PCDH15: variants seen among roughly 807,000 people sequenced by gnomAD.
The protein encoded by PCDH15 is protocadherin related 15.
PCDH15 carries 129 observed loss-of-function variants against 178.5 expected under a neutral mutation model. The ratio of observed to expected loss-of-function variants is 0.72; its 90% CI spans 0.63 to 0.84. The LOEUF (loss-of-function observed/expected upper bound fraction) is 0.84. Among genes scored for constraint, PCDH15 ranks in the 40% least tolerant of loss-of-function variants. The probability of loss-of-function intolerance (pLI) is 0.00; values close to 1 mark genes in which losing one functional copy is unlikely to be tolerated. For synonymous variants in PCDH15, 800 were observed against 732.0 expected, an observed-to-expected ratio of 1.09 and a Z score of -1.50; for missense variants, 2,230 against 2,099.9, an observed-to-expected ratio of 1.06 and a Z score of -1.21.
intron 3 of PCDH15, among the ~76,000 whole-genome samples, chr10:54,471,082 A>T (rs1417211823): frequency 6.6e-6 from 1 of 152,224 alleles, no homozygotes; most frequent in Admixed American, 6.5e-5. Flanking sequence ...ATATTCAATT[A>T]ACATATAATC....
intron 2 of PCDH15, among the ~76,000 whole-genome samples, chr10:55,327,571 TA>T (rs1237660295): frequency 6.6e-6 from 1 of 152,100 alleles, no homozygotes; most frequent in Non-Finnish European, 1.5e-5. Flanking sequence ...GATCATTTAC[TA>T]CATTTAAAAT....
At chr10:53,973,112 T>C (rs991733266) in intron 21 of PCDH15, among the ~76,000 whole-genome samples, 5 of 151,594 alleles carry the variant, frequency 3.3e-5, no homozygotes, top group African/African-American at 9.7e-5. Flanking sequence ...TCTGCAGCCA[T>C]AAAAAAGGAT....
At chr10:55,072,984 C>A (rs1276479894) in intron 2 of PCDH15, among the ~76,000 whole-genome samples, 2 of 152,054 alleles carry the variant, frequency 1.3e-5, no homozygotes, top group African/African-American at 4.8e-5. Flanking sequence ...ATAAATAGAA[C>A]CAAAGACAAA....
intron 4 of PCDH15, 127 bp downstream of exon 4, chr10:54,378,655 C>T (rs1589120599): frequency 9.6e-7 from 1 of 1,046,016 alleles, no homozygotes; most frequent in Non-Finnish European, 1.4e-6. Context: ...GTTAAAGAAA[C>T]TGTTGTTGCT....
rs1447421426 is a variant in PCDH15, at chr10:54,513,512, T to G, written c.157+14300A>C. Among the ~76,000 whole-genome samples the G allele has an allele frequency of 2.0e-5, 3 of 152,150 alleles. No homozygotes were observed. In the East Asian group the frequency reaches 5.8e-4, roughly 29 times the overall value. On this transcript the variant is annotated intron_variant, in intron 3 of 37. Transcript: ENST00000644397. The stretch of plus-strand genomic sequence containing the variant: ...TAGAATATTGTTATATTATTTTCTA[T>G]TATTTCAAAAACATCTTATTGAACA...
In PCDH15 at chr10:54,853,312, T is replaced by TACAC. The variant is rs1327737887; in HGVS notation, c.-29+44137_-29+44138insGTGT. 1.6e-3 allele frequency among the ~76,000 whole-genome samples: 210 copies of TACAC among 128,296 alleles called. 2 individuals are homozygous for TACAC. In the South Asian group the frequency reaches 0.017, roughly 10 times the overall value. 84.2% of individuals were successfully genotyped at this position (128,296 alleles called of 152,430 possible). A position where few individuals can be genotyped will look rare whatever the true frequency, so the allele number is the denominator to read the frequency against. On this transcript the variant is annotated intron_variant, in intron 3 of 5. Transcript: ENST00000458638. ...GTGTATATATATATATATATATATATATATATACATACACACACATATACA... is the reference window on the plus strand; with the variant it reads ...GTGTATATATATATATATATATATATACACATATATACATACACACACATATACA...
chr10:54,670,748 C>T (rs2094648936), intron 1 of PCDH15, among the ~76,000 whole-genome samples: 1 of 151,986 alleles, frequency 6.6e-6, no homozygotes, highest in South Asian at 2.1e-4. Context: ...AGTGTTTATA[C>T]ATACATTTAC....
intron 2 of PCDH15, among the ~76,000 whole-genome samples, chr10:55,463,846 CAG>C (rs1180772075): frequency 1.4e-5 from 2 of 144,944 alleles, no homozygotes. Context: ...GATAGGGTGA[CAG>C]AGTAACAGAA....
chr10:54,623,101 C>T (rs903807703), intron 2 of PCDH15, among the ~76,000 whole-genome samples: 2 of 151,908 alleles, frequency 1.3e-5, no homozygotes, highest in Non-Finnish European at 2.9e-5. Flanking sequence ...TTTACTTTCC[C>T]TGCCTGACTT....
intron 3 of PCDH15, among the ~76,000 whole-genome samples, chr10:54,518,282 T>C (rs956965101): frequency 6.6e-6 from 1 of 152,032 alleles, no homozygotes; most frequent in Non-Finnish European, 1.5e-5. Flanking sequence ...AGCTGGTTTT[T>C]TGAAAAGATC....
At chr10:53,861,450 T>C (rs2079101515) in intron 27 of PCDH15, among the ~76,000 whole-genome samples, 1 of 152,166 alleles carries the variant, frequency 6.6e-6, no homozygotes, top group South Asian at 2.1e-4. Flanking sequence ...TACATGTTAC[T>C]ATTTCTATGT....
At chr10:53,990,579 TTA>T (rs112868599) in intron 21 of PCDH15, among the ~76,000 whole-genome samples, 1 of 149,442 alleles carries the variant, frequency 6.7e-6, no homozygotes, top group Non-Finnish European at 1.5e-5. Flanking sequence ...TCTCACAATG[TTA>T]TATATATATG....
intron 1 of PCDH15, among the ~76,000 whole-genome samples, chr10:55,276,676 ATT>A (rs1161917407): frequency 2.6e-5 from 4 of 151,744 alleles, no homozygotes; most frequent in African/African-American, 4.8e-5. Context: ...TTATTATAAA[ATT>A]TACCTAATTT....
At chr10:55,625,505 G>A (rs1402336531) in intron 2 of PCDH15, among the ~76,000 whole-genome samples, 1 of 152,102 alleles carries the variant, frequency 6.6e-6, no homozygotes, top group African/African-American at 2.4e-5. Flanking sequence ...GGACCCTCTT[G>A]AAACAGTATC....
chr10:54,161,256 T>C (rs1195589699), intron 13 of PCDH15, among the ~76,000 whole-genome samples: 6 of 152,292 alleles, frequency 3.9e-5, no homozygotes, highest in East Asian at 3.9e-4. Flanking sequence ...ATAGATGAGC[T>C]ACATAAACAT....
In PCDH15 at chr10:54,456,935, T is replaced by G. The variant is rs970489740; in HGVS notation, c.157+70877A>C. ...TGTTTACTTCCCCTTCTGACATGATTGTAAGCTTCCTGAGGCCTCCCCAGC... is the reference window on the plus strand; with the variant it reads ...TGTTTACTTCCCCTTCTGACATGATGGTAAGCTTCCTGAGGCCTCCCCAGC... On this transcript the variant is annotated intron_variant, in intron 3 of 37. Transcript: ENST00000644397. 7.2e-5 allele frequency among the ~76,000 whole-genome samples: 11 copies of G among 152,266 alleles called. No homozygotes were observed. In the South Asian group the frequency reaches 1.2e-3, roughly 17 times the overall value.
intron 2 of PCDH15, among the ~76,000 whole-genome samples, chr10:55,416,420 T>C (rs1188962653): frequency 6.6e-6 from 1 of 151,806 alleles, no homozygotes; most frequent in African/African-American, 2.4e-5. Flanking sequence ...TCATTTTTAT[T>C]CAGGATGACT....
At chr10:54,719,267 T>G (rs138804050) in intron 1 of PCDH15, among the ~76,000 whole-genome samples, 1 of 152,236 alleles carries the variant, frequency 6.6e-6, no homozygotes, top group African/African-American at 2.4e-5. Context: ...AAGAAATAAC[T>G]TCAGAGCTGG....
At chr10:53,993,103 A>G (rs2091632594) in intron 21 of PCDH15, among the ~76,000 whole-genome samples, 3 of 152,224 alleles carry the variant, frequency 2.0e-5, no homozygotes, top group South Asian at 4.1e-4. Context: ...TTATTGCTTA[A>G]TAATAGTAAT....
Sources: allele counts gnomAD v4.1 joint callset (sites outside exome capture counted in the v4.1 genomes callset), GRCh38; gene constraint gnomAD v4.1.1; transcripts MANE v1.5; gene names NCBI Gene and HGNC (gene_info 2026-07-23, HGNC 2026-07-21).